CDC14A: variants seen among roughly 807,000 people sequenced by gnomAD.
The protein encoded by CDC14A is cell division cycle 14A, also known as dual specificity protein phosphatase CDC14A.
Under a neutral mutation model 74.4 loss-of-function variants are expected in CDC14A, and 53 were observed. The observed-to-expected ratio is 0.71, with a 90% CI of 0.57 to 0.89. The LOEUF (loss-of-function observed/expected upper bound fraction) is 0.89. Among genes scored for constraint, CDC14A ranks in the 40% least tolerant of loss-of-function variants. The probability of loss-of-function intolerance (pLI) is 0.00; values close to 1 mark genes in which losing one functional copy is unlikely to be tolerated. For synonymous variants in CDC14A, 247 were observed against 258.4 expected, an observed-to-expected ratio of 0.96 and a Z score of 0.43; for missense variants, 646 against 713.7, an observed-to-expected ratio of 0.91 and a Z score of 1.08.
At chr1:100,472,446 A>T (rs978694067) in intron 10 of CDC14A, among the ~76,000 whole-genome samples, 1 of 152,212 alleles carries the variant, frequency 6.6e-6, no homozygotes, top group Non-Finnish European at 1.5e-5. Context: ...CTTTTTCTTG[A>T]TGACTAAGGT....
chr1:100,470,934 A>G (rs975555250), intron 10 of CDC14A, among the ~76,000 whole-genome samples: 2 of 152,184 alleles, frequency 1.3e-5, no homozygotes, highest in Non-Finnish European at 2.9e-5. Context: ...AGGTATTTAA[A>G]TAAGGGAAAT....
chr1:100,491,570 A>ATT (rs1181639723), intron 11 of CDC14A, among the ~76,000 whole-genome samples: 169 of 64,904 alleles, frequency 2.6e-3, no homozygotes, highest in South Asian at 3.3e-3. Flanking sequence ...ATATATATAT[A>ATT]TATTTTTTTT....
At chr1:100,371,930 A>G (rs1352607327) in intron 2 of CDC14A, among the ~76,000 whole-genome samples, 28 of 152,194 alleles carry the variant, frequency 1.8e-4, no homozygotes, top group Non-Finnish European at 2.9e-5. Flanking sequence ...ATACTGGTAG[A>G]TGCATATTTA....
rs1667423565 is a variant in CDC14A at position 100,462,646 on chromosome 1, T to C, written c.608-5T>C. ...CTTTTGCTTACTGCTCCTTTGTTCCTTTAGGTTATCCTCTTCACGCCCCTG... is the reference window on the plus strand; with the variant it reads ...CTTTTGCTTACTGCTCCTTTGTTCCCTTAGGTTATCCTCTTCACGCCCCTG... On this transcript the variant is annotated splice_region_variant and splice_polypyrimidine_tract_variant and intron_variant, in intron 8 of 15. Transcript: ENST00000336454. 1 of 1,611,716 alleles carries C rather than the reference T, an allele frequency of 6.2e-7. No individual in the cohort carries two copies. The highest frequency in any genetic ancestry group is 1.1e-5 in the South Asian group (1 of 91,044).
chr1:100,456,598 A>T (rs1666720075), intron 8 of CDC14A, among the ~76,000 whole-genome samples: 1 of 152,114 alleles, frequency 6.6e-6, no homozygotes, highest in South Asian at 2.1e-4. Flanking sequence ...TAAGGCCAGA[A>T]GTTCAAGACC....
At chr1:100,387,690 A>C (rs1334350263) in intron 3 of CDC14A, among the ~76,000 whole-genome samples, 1 of 152,216 alleles carries the variant, frequency 6.6e-6, no homozygotes, top group Non-Finnish European at 1.5e-5. Flanking sequence ...GTTAATTTGT[A>C]TTATATTTAC....
At chr1:100,506,128 A>G (rs895727122) in intron 15 of CDC14A, among the ~76,000 whole-genome samples, 2 of 152,180 alleles carry the variant, frequency 1.3e-5, no homozygotes, top group Admixed American at 6.5e-5. Flanking sequence ...TCAACAGGAC[A>G]TTTGGAGGGG....
intron 2 of CDC14A, among the ~76,000 whole-genome samples, chr1:100,360,984 T>G (rs1056491150): frequency 6.6e-6 from 1 of 152,130 alleles, no homozygotes; most frequent in Non-Finnish European, 1.5e-5. Flanking sequence ...TTCATTATTT[T>G]GTTTGAAGTA....
chr1:100,382,470 T>G (rs1322582149), intron 3 of CDC14A, among the ~76,000 whole-genome samples: 1 of 151,268 alleles, frequency 6.6e-6, no homozygotes, highest in African/African-American at 2.4e-5. Flanking sequence ...ACTTCTGGGC[T>G]TAAGCTAGCT....
intron 4 of CDC14A, among the ~76,000 whole-genome samples, chr1:100,400,120 A>G (rs1659069527): frequency 6.6e-6 from 1 of 152,220 alleles, no homozygotes; most frequent in African/African-American, 2.4e-5. Context: ...AGAAATTTTA[A>G]CAGAACAGTA....
chr1:100,468,617 A>G (rs1053698117), intron 10 of CDC14A, among the ~76,000 whole-genome samples: 1 of 152,238 alleles, frequency 6.6e-6, no homozygotes, highest in African/African-American at 2.4e-5. Flanking sequence ...TCCACTAACT[A>G]GCTTTATGAC....
At chr1:100,391,326 AT>A (rs1657676156) in intron 4 of CDC14A, among the ~76,000 whole-genome samples, 1 of 152,170 alleles carries the variant, frequency 6.6e-6, no homozygotes, top group South Asian at 2.1e-4. Context: ...TGCATATATT[AT>A]AGCTTCCCTA....
chr1:100,503,675 G>C (rs1648979969), intron 15 of CDC14A, among the ~76,000 whole-genome samples: 1 of 152,166 alleles, frequency 6.6e-6, no homozygotes, highest in African/African-American at 2.4e-5. Context: ...AGTTTCTACT[G>C]CCCTGTGCAA....
intron 9 of CDC14A, among the ~76,000 whole-genome samples, chr1:100,465,204 C>T (rs1667681388): frequency 6.6e-6 from 1 of 152,098 alleles, no homozygotes. Flanking sequence ...CTCAGGTCAT[C>T]CACCTGCCTC....
intron 4 of CDC14A, among the ~76,000 whole-genome samples, chr1:100,420,120 GTTTTTTTTTTTTTTT>G (rs61463263): frequency 8.3e-5 from 4 of 48,202 alleles, no homozygotes; most frequent in Admixed American, 5.0e-4. Context: ...TGCTGAAAAG[GTTTTTTTTTTTTTTT>G]TTTTTTTTTT....
chr1:100,505,018 A>G, intron 15 of CDC14A: 2 of 1,272,650 alleles, frequency 1.6e-6, no homozygotes, highest in Non-Finnish European at 2.1e-6. Flanking sequence ...ATTTGTTTAC[A>G]TATTGTCTGT....
At chr1:100,487,261 C>T (rs1044514054) in intron 11 of CDC14A, among the ~76,000 whole-genome samples, 5 of 152,106 alleles carry the variant, frequency 3.3e-5, no homozygotes, top group South Asian at 2.1e-4. Context: ...TTGGAGAATT[C>T]GAATAGAGTT....
chr1:100,441,602 A>G (rs1018143276), intron 6 of CDC14A, among the ~76,000 whole-genome samples: 5 of 151,702 alleles, frequency 3.3e-5, no homozygotes, highest in African/African-American at 1.2e-4. Context: ...GAGAGTTTGT[A>G]TATTTTTCTC....
chr1:100,412,153 C>T (rs12088271), intron 4 of CDC14A, among the ~76,000 whole-genome samples: 45,982 of 152,020 alleles, frequency 0.3, 10,095 homozygotes, highest in African/African-American at 0.62. Context: ...AATGACCTGA[C>T]GTACACTTAA....
Sources: gnomAD v4.1 joint callset for allele counts (sites outside exome capture counted in the v4.1 genomes callset) on GRCh38, gnomAD v4.1.1 for gene constraint, MANE v1.5 for transcripts, NCBI Gene and HGNC (gene_info 2026-07-23, HGNC 2026-07-21) for gene names.